NCKAP5: variants seen among roughly 807,000 people sequenced by gnomAD.
The protein encoded by NCKAP5 is NCK associated protein 5.
A neutral mutation model predicts 167.0 loss-of-function variants in NCKAP5; 92 were observed. That is an observed-to-expected ratio of 0.55 (90% confidence interval 0.47 to 0.66). The LOEUF is 0.66. NCKAP5 is among the 30% of genes least tolerant of loss of function. The pLI, the probability that NCKAP5 is intolerant of heterozygous loss-of-function variation, is 0.00. For missense variants in NCKAP5, 2,378 were observed against 2,315.0 expected, an observed-to-expected ratio of 1.03 and a Z score of -0.56; for synonymous variants, 891 against 877.4, an observed-to-expected ratio of 1.02 and a Z score of -0.27.
intron 11 of NCKAP5, among the ~76,000 whole-genome samples, chr2:132,825,072 C>T (rs1687029780): frequency 6.6e-6 from 1 of 152,084 alleles, no homozygotes; most frequent in Non-Finnish European, 1.5e-5. Flanking sequence ...ATTAGAGATC[C>T]CTGAAAACCA....
At chr2:133,498,436 A>G (rs1682142382) in intron 3 of NCKAP5, among the ~76,000 whole-genome samples, 1 of 83,398 alleles carries the variant, frequency 1.2e-5, no homozygotes, top group Non-Finnish European at 2.2e-5. Flanking sequence ...AGAAAAACGG[A>G]AGGAAGGAAG....
chr2:133,157,245 CTA>C (rs1352577630), intron 5 of NCKAP5, among the ~76,000 whole-genome samples: 2 of 152,168 alleles, frequency 1.3e-5, no homozygotes, highest in African/African-American at 4.8e-5. Context: ...AAATGGTGGT[CTA>C]CTTTCTTCTA....
chr2:133,257,567 C>T (rs115625899), intron 4 of NCKAP5, among the ~76,000 whole-genome samples: 3 of 152,138 alleles, frequency 2.0e-5, no homozygotes, highest in Admixed American at 6.5e-5. Context: ...TATTCCTCTG[C>T]CTTTTTTGTA....
At chr2:133,155,961 A>G (rs2083563155) in intron 5 of NCKAP5, among the ~76,000 whole-genome samples, 1 of 152,170 alleles carries the variant, frequency 6.6e-6, no homozygotes, top group Admixed American at 6.5e-5. Context: ...GACTAATATA[A>G]AGAATTCATC....
chr2:132,890,781 C>T (rs190351827), intron 8 of NCKAP5, among the ~76,000 whole-genome samples: 2 of 152,270 alleles, frequency 1.3e-5, no homozygotes, highest in African/African-American at 4.8e-5. Flanking sequence ...GGGTGTTCCC[C>T]ACTGATTGTA....
intron 16 of NCKAP5, among the ~76,000 whole-genome samples, chr2:132,737,199 C>T (rs557208972): frequency 2.6e-5 from 4 of 152,284 alleles, no homozygotes; most frequent in Admixed American, 6.5e-5. Flanking sequence ...AGCTCCATCT[C>T]GGTACACCTG....
chr2:133,365,869 A>T (rs2150889154), intron 3 of NCKAP5, among the ~76,000 whole-genome samples: 1 of 152,346 alleles, frequency 6.6e-6, no homozygotes, highest in Non-Finnish European at 1.5e-5. Context: ...TGTACAATTC[A>T]GTCCTTGGAA....
chr2:133,167,268 T>A lies in NCKAP5; in HGVS notation c.208-37157A>T, dbSNP rs2084038204. ...CCCACTTGGCTTACTCATCTTAGTA[T>A]CACTCAGGGTGGAAGGCAGCATAAT... On this transcript the variant is annotated intron_variant, in intron 5 of 19. Coordinates refer to ENST00000409261, the MANE Select transcript of NCKAP5 (RefSeq NM_207363.3). Among the ~76,000 whole-genome samples the A allele has an allele frequency of 2.6e-5, 4 of 152,292 alleles. No individual in the cohort carries two copies. The South Asian group carries it at 8.3e-4, about 32-fold the overall frequency.
At chr2:132,850,015 G>C (rs1212468236) in intron 11 of NCKAP5, among the ~76,000 whole-genome samples, 2 of 152,178 alleles carry the variant, frequency 1.3e-5, no homozygotes, top group African/African-American at 2.4e-5. Flanking sequence ...CAAAAGGCAA[G>C]TATCAATCTG....
At chr2:133,654,680 G>C in the NCKAP5 span, among the ~76,000 whole-genome samples, 3 of 152,116 alleles carry the variant, frequency 2.0e-5, no homozygotes, top group Non-Finnish European at 4.4e-5. Flanking sequence ...CTAGCACCTC[G>C]CACAATACCA....
At chr2:133,582,114 G>A in the NCKAP5 span, among the ~76,000 whole-genome samples, 1 of 152,144 alleles carries the variant, frequency 6.6e-6, no homozygotes, top group Non-Finnish European at 1.5e-5. Flanking sequence ...ATAGCAGGTG[G>A]GAATTCAATT....
At chr2:132,984,671 G>A (rs1268270494) in intron 7 of NCKAP5, among the ~76,000 whole-genome samples, 1 of 151,958 alleles carries the variant, frequency 6.6e-6, no homozygotes, top group Non-Finnish European at 1.5e-5. Context: ...CAGCAGGCCT[G>A]TTCCACTTCT....
At chr2:132,874,115 T>A (rs1691063719) in intron 9 of NCKAP5, among the ~76,000 whole-genome samples, 1 of 147,732 alleles carries the variant, frequency 6.8e-6, no homozygotes, top group African/African-American at 2.5e-5. Flanking sequence ...TTTTTTTTTT[T>A]TTTTTTTTTT....
chr2:132,703,072 T>G (rs2105259375), intron 19 of NCKAP5, among the ~76,000 whole-genome samples: 1 of 152,152 alleles, frequency 6.6e-6, no homozygotes, highest in Non-Finnish European at 1.5e-5. Context: ...TCCTAGCTAC[T>G]TGGGAGACTC....
At chr2:133,251,095 T>A (rs10182118) in intron 4 of NCKAP5, among the ~76,000 whole-genome samples, 24,226 of 149,988 alleles carry the variant, frequency 0.16, 2,124 homozygotes, top group African/African-American at 0.24. Flanking sequence ...AAACCCAGCA[T>A]AACAGTAATA....
chr2:133,070,560 T>C (rs1246407041), intron 6 of NCKAP5, among the ~76,000 whole-genome samples: 1 of 152,176 alleles, frequency 6.6e-6, no homozygotes, highest in East Asian at 1.9e-4. Flanking sequence ...CCTTTGGGGC[T>C]GGCAATGTTC....
At chr2:133,303,150 C>T (rs953404967) in intron 3 of NCKAP5, 40 bp from the exon 4 acceptor site, 12 of 1,368,684 alleles carry the variant, frequency 8.8e-6, no homozygotes, top group Non-Finnish European at 1.1e-5. Context: ...CTCACTATGA[C>T]AGTCCCCACC....
chr2:133,227,330 CT>C (rs1279043346), intron 4 of NCKAP5, among the ~76,000 whole-genome samples: 1 of 152,192 alleles, frequency 6.6e-6, no homozygotes, highest in Non-Finnish European at 1.5e-5. Context: ...ATTCTTTTTA[CT>C]AAGTCTACTG....
At chr2:133,502,203 T>G (rs1324640421) in intron 3 of NCKAP5, among the ~76,000 whole-genome samples, 3 of 152,222 alleles carry the variant, frequency 2.0e-5, no homozygotes, top group Non-Finnish European at 4.4e-5. Context: ...GTGCCTCTAC[T>G]CAAATCTTCT....
Sources: gnomAD v4.1 joint callset for allele counts (sites outside exome capture counted in the v4.1 genomes callset) on GRCh38, gnomAD v4.1.1 for gene constraint, MANE v1.5 for transcripts, NCBI Gene and HGNC (gene_info 2026-07-23, HGNC 2026-07-21) for gene names.